SSB: variants seen among roughly 807,000 people sequenced by gnomAD.
SSB encodes lupus La protein.
Under a neutral mutation model 52.9 loss-of-function variants are expected in SSB, and 17 were observed. That is an observed-to-expected ratio of 0.32 (90% CI 0.22 to 0.48). SSB has a LOEUF of 0.48. SSB is among the 20% of genes least tolerant of loss of function. The pLI is 0.99. For synonymous variants in SSB, 111 were observed against 152.1 expected (o/e 0.73, Z 1.99); for missense variants, 314 against 463.6 (o/e 0.68, Z 2.96).
intron 6 of SSB, among the ~76,000 whole-genome samples, chr2:169,807,672 G>A (rs1689855831): frequency 6.9e-6 from 1 of 145,444 alleles, no homozygotes; most frequent in Admixed American, 6.9e-5. Flanking sequence ...ATTAAAATTT[G>A]GTCTTTTGTG....
chr2:169,802,938 TA>T (rs1689741863), intron 2 of SSB, among the ~76,000 whole-genome samples: 1 of 152,256 alleles, frequency 6.6e-6, no homozygotes, highest in South Asian at 2.1e-4. Flanking sequence ...CTAATTTTTT[TA>T]GCTGTAATCA....
intron 1 of SSB, chr2:169,799,489 A>T (rs1689662957): frequency 6.6e-6 from 1 of 152,074 alleles, no homozygotes; most frequent in South Asian, 2.1e-4. Flanking sequence ...CATCGCTCAC[A>T]TCAGGTTTCA....
rs1271855527 is a variant in SSB, at chr2:169,800,480, G to C, written c.-9-472G>C. ...ACCTGGGAGGCAGAGGTTGCAGTGA[G>C]CCGAGATCGCACCATTGCACTCCAG... On this transcript the variant is annotated intron_variant, in intron 1 of 11. Coordinates refer to ENST00000260956, the MANE Select transcript of SSB (RefSeq NM_003142.5). Among the ~76,000 whole-genome samples the C allele has an allele frequency of 2.2e-5, 3 of 134,888 alleles. No homozygotes were observed. In the Admixed American group the frequency reaches 2.7e-4, roughly 12 times the overall value. 88.5% of individuals were successfully genotyped at this position (134,888 alleles called of 152,430 possible).
intron 1 of SSB, 64 bp from the exon 2 acceptor site, chr2:169,800,888 T>C (rs2105695788): frequency 8.0e-7 from 1 of 1,247,378 alleles, no homozygotes; most frequent in Non-Finnish European, 1.1e-6. Context: ...TTTGTAAACA[T>C]TATCTTTCTA....
chr2:169,804,096 T>A (rs1156688040), intron 2 of SSB, among the ~76,000 whole-genome samples: 1 of 152,202 alleles, frequency 6.6e-6, no homozygotes, highest in Non-Finnish European at 1.5e-5. Flanking sequence ...CCTTCTTCTT[T>A]GTTTGTAAGA....
chr2:169,805,364 C>T, intron 2 of SSB, 110 bp from the exon 3 acceptor site: 1 of 746,764 alleles, frequency 1.3e-6, no homozygotes, highest in Non-Finnish European at 2.1e-6. Flanking sequence ...AGTGTTTTGC[C>T]TTTTGTAACT....
intron 1 of SSB, chr2:169,799,330 G>A (rs1007841812): frequency 7.0e-6 from 1 of 141,872 alleles, no homozygotes; most frequent in African/African-American, 2.6e-5. Context: ...CTCACCGAAG[G>A]CTTGTGGCCA....
rs747335133 is a variant in SSB, at chr2:169,811,260, G to A, written c.1075G>A (p.Gly359Ser). The A allele has an allele frequency of 2.5e-6, 4 of 1,609,900 alleles. No homozygotes were observed. The African/African-American group carries it at 5.4e-5, about 22-fold the overall frequency. ...GSGKGKVQFQ[G>S]KKTKFASDDE... ...TGGTAAAGGAAAAGTACAGTTTCAG[G>A]GCAAGAAAACGAAATTTGCTAGTGA... Residue 359 changes from glycine (G) to serine (S), a missense_variant, in exon 11 of 12, where the codon GGC (glycine) becomes AGC (serine). By Grantham distance (56) the Gly-to-Ser change is moderately conservative. Transcript: ENST00000260956.
At chr2:169,805,642 A>T in intron 3 of SSB, 23 bp from the exon 4 acceptor site, 1 of 1,612,784 alleles carries the variant, frequency 6.2e-7, no homozygotes, top group Non-Finnish European at 8.5e-7. Flanking sequence ...GCTGAGTCTT[A>T]TGTTTTTATA....
chr2:169,809,069 GA>G, intron 8 of SSB, 167 bp downstream of exon 8: 1 of 671,322 alleles, frequency 1.5e-6, no homozygotes, highest in Non-Finnish European at 2.7e-6. Context: ...GAAAACTAAG[GA>G]TAGGAAATAT....
chr2:169,800,301 C>A (rs533135373), intron 1 of SSB, among the ~76,000 whole-genome samples: 3 of 152,004 alleles, frequency 2.0e-5, no homozygotes, highest in Admixed American at 6.6e-5. Flanking sequence ...GAGGCCGAGG[C>A]GGGTGGATCG....
rs146169375 is a variant in SSB, at chr2:169,805,707, A to G, written c.213A>G (p.Ala71=). The G allele has an allele frequency of 3.0e-5, 49 of 1,614,144 alleles. No homozygotes were observed. The African/African-American group carries it at 3.5e-4, about 11-fold the overall frequency. ...CAGACTTTAATGTAATTGTGGAAGCATTGAGCAAATCCAAGGCAGAACTCA... is the reference window on the plus strand; with the variant it reads ...CAGACTTTAATGTAATTGTGGAAGCGTTGAGCAAATCCAAGGCAGAACTCA... ...LTTDFNVIVE[A]LSKSKAELME... Residue 71 remains alanine (A), a synonymous_variant, in exon 4 of 12, where the codon GCA becomes GCG. Coordinates refer to ENST00000260956, the MANE Select transcript of SSB (RefSeq NM_003142.5).
chr2:169,810,135 C>T (rs1035816407), intron 8 of SSB, 148 bp from the exon 9 acceptor site: 4 of 424,808 alleles, frequency 9.4e-6, no homozygotes, highest in African/African-American at 4.1e-5. Context: ...GATGGAGTTT[C>T]GCTCTTGCTG....
intron 2 of SSB, among the ~76,000 whole-genome samples, chr2:169,804,820 C>CG (rs1227664641): frequency 2.4e-5 from 1 of 42,442 alleles, no homozygotes; most frequent in Admixed American, 4.0e-4. Context: ...CCGTGCCTGG[C>CG]CCCGTCCCTT....
chr2:169,808,833 A>G, intron 7 of SSB, 27 bp from the exon 8 acceptor site: 1 of 1,498,474 alleles, frequency 6.7e-7, no homozygotes, highest in Non-Finnish European at 9.3e-7. Flanking sequence ...AAATAGAAGT[A>G]TGTTATAATT....
At chr2:169,801,088 A>T (rs1689702616) in intron 2 of SSB, 62 bp downstream of exon 2, 1 of 1,365,528 alleles carries the variant, frequency 7.3e-7, no homozygotes, top group Non-Finnish European at 1.0e-6. Flanking sequence ...CAGAAAGAAC[A>T]TTTAATTCTA....
chr2:169,801,005 CA>C lies in SSB; in HGVS notation c.49del (p.Ile17SerfsTer20). 1.3e-6 allele frequency: 2 copies of C among 1,598,942 alleles called. No individual in the cohort carries two copies. The highest frequency in any genetic ancestry group is 2.3e-5 in the South Asian group (2 of 88,350). On this transcript the variant is annotated frameshift_variant, in exon 2 of 12. Coordinates refer to ENST00000260956, the MANE Select transcript of SSB (RefSeq NM_003142.5). LOFTEE classifies it high-confidence loss of function. ...ATGAAAAGATGGCTGCCCTGGAGGCCAAAATCTGTCATCAAATTGAGGTATG... is the reference window on the plus strand; with the variant it reads ...ATGAAAAGATGGCTGCCCTGGAGGCCAAATCTGTCATCAAATTGAGGTATG... The part of the protein sequence containing the change: ...DNEKMAALEA[K>X]ICHQIEYYFG...
chr2:169,805,682 C>T lies in SSB; in HGVS notation c.188C>T (p.Thr63Ile). Residue 63 changes from threonine to isoleucine, a missense_variant, in exon 4 of 12, where the codon ACA (threonine) becomes ATA (isoleucine). By Grantham distance (89) the Thr-to-Ile change is moderately conservative. Transcript: ENST00000260956. ...CTCTTCAGGTTGAACCGTCTAACAA[C>T]AGACTTTAATGTAATTGTGGAAGCA... ...IKFNRLNRLT[T>I]DFNVIVEALS... The T allele has an allele frequency of 6.2e-7, 1 of 1,613,980 alleles. No homozygotes were observed. Among genetic ancestry groups the T allele is most frequent in the Non-Finnish European group, 8.5e-7 (1 of 1,179,970 alleles).
intron 1 of SSB, 113 bp downstream of exon 1, chr2:169,799,089 T>C (rs1689645058): frequency 6.6e-6 from 1 of 152,064 alleles, no homozygotes; most frequent in African/African-American, 2.4e-5. Flanking sequence ...GCCCCTCGCC[T>C]TCCTCACGTT....
Sources: gnomAD v4.1 joint callset for allele counts (sites outside exome capture counted in the v4.1 genomes callset) on GRCh38, gnomAD v4.1.1 for gene constraint, MANE v1.5 for transcripts, NCBI Gene and HGNC (gene_info 2026-07-23, HGNC 2026-07-21) for gene names.